NAA11: variants seen among roughly 807,000 people sequenced by gnomAD.
NAA11 encodes the protein N-alpha-acetyltransferase 11, NatA catalytic subunit, also known as N-alpha-acetyltransferase 11.
In NAA11, 15 loss-of-function variants were observed where a neutral mutation model predicts 16.1. That is an observed-to-expected ratio of 0.93 (90% CI 0.62 to 1.44). The LOEUF (loss-of-function observed/expected upper bound fraction) is 1.44, where lower values mean the gene tolerates loss of function less well. Among genes scored for constraint, NAA11 ranks in the 40% most tolerant of loss-of-function variants. The probability of loss-of-function intolerance (pLI) is 0.00; values close to 1 mark genes in which losing one functional copy is unlikely to be tolerated. For synonymous variants in NAA11, 122 were observed against 112.4 expected (o/e 1.09, Z -0.54); for missense variants, 298 against 291.3 (o/e 1.02, Z -0.17).
the NAA11 span, among the ~76,000 whole-genome samples, chr4:79,171,417 T>G: frequency 6.6e-6 from 1 of 152,178 alleles, no homozygotes; most frequent in Non-Finnish European, 1.5e-5. Context: ...CCCCTTGATC[T>G]TGGACTTCCC....
chr4:79,166,169 A>G, the NAA11 span, among the ~76,000 whole-genome samples: 1 of 152,176 alleles, frequency 6.6e-6, no homozygotes, highest in African/African-American at 2.4e-5. Context: ...TCAGGAGTAG[A>G]CTGAGAAAAC....
At chr4:79,241,925 G>C (rs1468459924) in intron 2 of NAA11, among the ~76,000 whole-genome samples, 1 of 152,190 alleles carries the variant, frequency 6.6e-6, no homozygotes, top group East Asian at 1.9e-4. Context: ...TAATGGAGAT[G>C]GAACCTATAA....
chr4:79,246,652 T>C (rs1219898985), intron 2 of NAA11, among the ~76,000 whole-genome samples: 1 of 152,220 alleles, frequency 6.6e-6, no homozygotes, highest in Non-Finnish European at 1.5e-5. Context: ...CTTCTGTTCC[T>C]AAGGCAGTTT....
chr4:79,272,025 C>A (rs1722505981), intron 2 of NAA11, among the ~76,000 whole-genome samples: 1 of 151,760 alleles, frequency 6.6e-6, no homozygotes, highest in Non-Finnish European at 1.5e-5. Context: ...TATATACACA[C>A]ACATATAGAG....
chr4:79,307,842 T>G (rs1011032765), intron 1 of NAA11, among the ~76,000 whole-genome samples: 11 of 152,218 alleles, frequency 7.2e-5, no homozygotes, highest in African/African-American at 2.7e-4. Context: ...TCTTAATATA[T>G]TTCTAAAACA....
the NAA11 span, among the ~76,000 whole-genome samples, chr4:79,206,467 C>G: frequency 1.3e-5 from 2 of 152,118 alleles, no homozygotes; most frequent in Non-Finnish European, 2.9e-5. Flanking sequence ...TGTCTGCTAG[C>G]CGTAATAGAG....
intron 2 of NAA11, among the ~76,000 whole-genome samples, chr4:79,288,688 AAT>A (rs1723007671): frequency 1.3e-5 from 2 of 152,168 alleles, no homozygotes; most frequent in African/African-American, 4.8e-5. Context: ...TTTTCAATGA[AAT>A]AGCAAAATTT....
At chr4:79,219,953 C>T in the NAA11 span, among the ~76,000 whole-genome samples, 3 of 152,170 alleles carry the variant, frequency 2.0e-5, no homozygotes, top group African/African-American at 4.8e-5. Context: ...AGTTTTTGAG[C>T]CTTGCTTTGC....
the NAA11 span, among the ~76,000 whole-genome samples, chr4:79,159,389 C>T: frequency 1.3e-5 from 2 of 152,130 alleles, no homozygotes; most frequent in Admixed American, 1.3e-4. Flanking sequence ...AATTTGATAC[C>T]ACCTCACTCC....
chr4:79,263,375 A>T (rs1324665554), intron 2 of NAA11, among the ~76,000 whole-genome samples: 1 of 152,180 alleles, frequency 6.6e-6, no homozygotes, highest in African/African-American at 2.4e-5. Context: ...GACCTAGTGC[A>T]TGCTCAAGAA....
At chr4:79,191,360 A>G in the NAA11 span, among the ~76,000 whole-genome samples, 3 of 150,076 alleles carry the variant, frequency 2.0e-5, no homozygotes, top group Non-Finnish European at 3.0e-5. Context: ...TTACTTTTTA[A>G]TAATAGCCAT....
At chr4:79,323,996 C>G (rs1472631503) in intron 1 of NAA11, among the ~76,000 whole-genome samples, 2 of 126,018 alleles carry the variant, frequency 1.6e-5, no homozygotes, top group Non-Finnish European at 3.4e-5. Context: ...GAACGAGACT[C>G]TGTCTCAAAA....
the NAA11 span, among the ~76,000 whole-genome samples, chr4:79,202,623 T>TTATATATATATATATATGTATATATA: frequency 1.5e-4 from 8 of 52,638 alleles, no homozygotes; most frequent in African/African-American, 3.2e-4. Context: ...ATATATAGTT[T>TTATATATATATATATATGTATATATA]TATATATATA....
the NAA11 span, among the ~76,000 whole-genome samples, chr4:79,189,140 C>A: frequency 2.6e-4 from 2 of 7,838 alleles, no homozygotes; most frequent in Non-Finnish European, 6.0e-4. Context: ...AGCGAGACTC[C>A]ATCTCAAAAA....
chr4:79,182,525 G>A, the NAA11 span, among the ~76,000 whole-genome samples: 3 of 152,304 alleles, frequency 2.0e-5, 1 homozygote, highest in South Asian at 6.2e-4. Flanking sequence ...AAGAGAGATT[G>A]TTCCCCAATT....
At chr4:79,236,096 T>C (rs996379703) in intron 2 of NAA11, among the ~76,000 whole-genome samples, 5 of 152,260 alleles carry the variant, frequency 3.3e-5, no homozygotes, top group Middle Eastern at 3.4e-3. Context: ...ATAGGTTAAT[T>C]TTATAACCTA....
rs1236763457 is a variant in NAA11 at position 79,278,958 on chromosome 4, AAGAC to A, written c.*122+15043_*122+15046del. On this transcript the variant is annotated intron_variant and NMD_transcript_variant, in intron 2 of 2. Coordinates refer to the NAA11 transcript ENST00000511542. ...TTCTTGCTTCATCCTTACATGGTAAAAGACAGAAGGGCAAGATAGGGTGAACCTG... is the reference window on the plus strand; with the variant it reads ...TTCTTGCTTCATCCTTACATGGTAAAAGAAGGGCAAGATAGGGTGAACCTG... Among the ~76,000 whole-genome samples, 3 of 152,074 alleles carry A rather than the reference AAGAC, an allele frequency of 2.0e-5. No individual in the cohort carries two copies. The South Asian group carries it at 6.2e-4, about 32-fold the overall frequency.
chr4:79,193,601 C>A, the NAA11 span, among the ~76,000 whole-genome samples: 1 of 152,064 alleles, frequency 6.6e-6, no homozygotes, highest in South Asian at 2.1e-4. Flanking sequence ...CTTTTGGTAC[C>A]AGTACCATGC....
chr4:79,202,570 T>C, the NAA11 span, among the ~76,000 whole-genome samples: 1 of 139,910 alleles, frequency 7.1e-6, no homozygotes, highest in African/African-American at 2.5e-5. Context: ...TATGTAGTTA[T>C]ATATATATAT....
Sources: gnomAD v4.1 joint callset for allele counts (sites outside exome capture counted in the v4.1 genomes callset) on GRCh38, gnomAD v4.1.1 for gene constraint, MANE v1.5 for transcripts, NCBI Gene and HGNC (gene_info 2026-07-23, HGNC 2026-07-21) for gene names.